Variants in DMD observed in about 807,000 individuals in gnomAD.
The protein encoded by DMD is dystrophin.
Under a neutral mutation model 330.1 loss-of-function variants are expected in DMD, and 63 were observed. That is an observed-to-expected ratio of 0.19 (90% CI 0.16 to 0.24). DMD has a LOEUF of 0.24. Among genes scored for constraint, DMD ranks in the 10% least tolerant of loss-of-function variants. The pLI is 1.00. For missense variants in DMD, 3,344 were observed against 2,684.1 expected, an observed-to-expected ratio of 1.25 and a Z score of -5.43; for synonymous variants, 1,223 against 959.8, an observed-to-expected ratio of 1.27 and a Z score of -5.07.
At chrX:32,902,145 TCACACACACACAAA>T (rs1297196056) in intron 2 of DMD, among the ~76,000 whole-genome samples, 3 of 60,146 alleles carry the variant, frequency 5.0e-5, no homozygotes, top group Middle Eastern at 9.6e-3. Context: ...TAAGCAAGCA[TCACACACACACAAA>T]CACACACACA....
chrX:32,077,210 T>C (rs1388710626), intron 44 of DMD, among the ~76,000 whole-genome samples: 1 of 111,041 alleles, frequency 9.0e-6, no homozygotes, highest in Non-Finnish European at 1.9e-5. Flanking sequence ...GGTTCTGTTT[T>C]TAATCTAAGT....
intron 55 of DMD, among the ~76,000 whole-genome samples, chrX:31,537,920 G>C (rs1002344447): frequency 8.9e-5 from 10 of 112,172 alleles, no homozygotes; most frequent in Non-Finnish European, 5.6e-5. Context: ...TTCAGGTTTT[G>C]GAATATTTGC....
chrX:33,049,221 C>T (rs191057026), intron 1 of DMD, among the ~76,000 whole-genome samples: 47 of 111,894 alleles, frequency 4.2e-4, no homozygotes, highest in African/African-American at 1.5e-3. Flanking sequence ...ACAGAAACTT[C>T]CCTGAAAATG....
intron 55 of DMD, among the ~76,000 whole-genome samples, chrX:31,527,163 T>C (rs1309756332): frequency 9.0e-6 from 1 of 111,482 alleles, no homozygotes; most frequent in Non-Finnish European, 1.9e-5. Flanking sequence ...GAATCACAGA[T>C]TGATAGGATT....
chrX:32,740,375 G>T, intron 7 of DMD, among the ~76,000 whole-genome samples: 1 of 110,435 alleles, frequency 9.1e-6, no homozygotes, highest in East Asian at 2.9e-4. Context: ...TCATGGTAAA[G>T]AGAACATGTG....
chrX:32,619,643 T>A (rs1310149343), intron 11 of DMD, among the ~76,000 whole-genome samples: 2 of 111,769 alleles, frequency 1.8e-5, no homozygotes, highest in East Asian at 5.6e-4. Flanking sequence ...AACAATAAAA[T>A]ATAAAAGTTG....
At chrX:32,161,758 T>A (rs1603627416) in intron 44 of DMD, among the ~76,000 whole-genome samples, 1 of 111,695 alleles carries the variant, frequency 9.0e-6, no homozygotes, top group East Asian at 2.8e-4. Context: ...CTCTAAGGTA[T>A]GTGAAGTGTG....
intron 32 of DMD, among the ~76,000 whole-genome samples, chrX:32,386,937 C>T (rs1397335411): frequency 9.1e-6 from 1 of 110,336 alleles, no homozygotes; most frequent in Non-Finnish European, 1.9e-5. Flanking sequence ...AAAACACACA[C>T]ATTCACTATT....
intron 55 of DMD, among the ~76,000 whole-genome samples, chrX:31,556,758 G>C (rs1196565947): frequency 8.9e-6 from 1 of 111,915 alleles, no homozygotes; most frequent in Non-Finnish European, 1.9e-5. Flanking sequence ...AATAAATTTA[G>C]ATCTAAAGTG....
intron 43 of DMD, among the ~76,000 whole-genome samples, chrX:32,263,391 ATTG>A (rs1329308365): frequency 1.8e-5 from 2 of 112,218 alleles, no homozygotes; most frequent in African/African-American, 3.2e-5. Flanking sequence ...GGTACAACAT[ATTG>A]TTATCAATCT....
At chrX:32,485,763 G>GC (rs2042391808) in intron 20 of DMD, among the ~76,000 whole-genome samples, 1 of 20,856 alleles carries the variant, frequency 4.8e-5, no homozygotes, top group African/African-American at 1.0e-4. Flanking sequence ...TTTTTTTTGG[G>GC]ACAGAGTCTC....
At chrX:32,387,377 T>C (rs1028338515) in intron 32 of DMD, among the ~76,000 whole-genome samples, 7 of 111,400 alleles carry the variant, frequency 6.3e-5, no homozygotes, top group African/African-American at 2.3e-4. Context: ...TATACACGTA[T>C]ATATAATAGT....
chrX:32,873,338 G>A (rs1271025723), intron 2 of DMD, among the ~76,000 whole-genome samples: 2 of 109,609 alleles, frequency 1.8e-5, no homozygotes, highest in Non-Finnish European at 3.8e-5. Flanking sequence ...GATATGGCAG[G>A]CAGTAGGCAT....
At chrX:32,241,275 C>A (rs1207853104) in intron 43 of DMD, among the ~76,000 whole-genome samples, 1 of 111,958 alleles carries the variant, frequency 8.9e-6, no homozygotes, top group East Asian at 2.8e-4. Flanking sequence ...TCCAGCCACC[C>A]CTTTAAGGTT....
chrX:32,313,722 C>G (rs866443083), intron 41 of DMD, among the ~76,000 whole-genome samples: 17 of 111,555 alleles, frequency 1.5e-4, no homozygotes, highest in Middle Eastern at 4.7e-3. Flanking sequence ...ACAAAATCAA[C>G]GTGCAAAAAT....
intron 44 of DMD, among the ~76,000 whole-genome samples, chrX:32,118,780 G>T (rs1479145330): frequency 9.1e-6 from 1 of 109,951 alleles, no homozygotes; most frequent in African/African-American, 3.3e-5. Context: ...GGGGCGGGTG[G>T]GGTTGTGGGG....
intron 4 of DMD, among the ~76,000 whole-genome samples, chrX:32,840,733 T>A (rs1294588701): frequency 8.9e-6 from 1 of 112,285 alleles, no homozygotes; most frequent in Non-Finnish European, 1.9e-5. Context: ...TTTTAACGAC[T>A]TCATCTTGTA....
At chrX:32,641,645 A>T (rs2146775794) in intron 11 of DMD, 1 of 154,219 alleles carries the variant, frequency 6.5e-6, no homozygotes, top group Non-Finnish European at 1.5e-5. Context: ...ATTTACAAGA[A>T]GTTTTTAACT....
chrX:31,376,174 A>G lies in DMD; in HGVS notation c.9085-27540T>C, dbSNP rs189452309. On this transcript the variant is annotated intron_variant, in intron 60 of 78. Coordinates refer to ENST00000357033, the MANE Select transcript of DMD (RefSeq NM_004006.3). Reference sequence around the variant, plus strand: ...GAACTGCATGGAAGCAAACAGCACTATTTTCCTTCCTTCCTCTAACAAAAC... The same window carrying G: ...GAACTGCATGGAAGCAAACAGCACTGTTTTCCTTCCTTCCTCTAACAAAAC... Among the ~76,000 whole-genome samples the G allele has an allele frequency of 7.9e-3, 888 of 112,188 alleles. 5 individuals carry two copies. Among genetic ancestry groups the G allele is most frequent in the Non-Finnish European group, 9.9e-3 (526 of 53,283 alleles).
Sources: gnomAD v4.1 joint callset for allele counts (sites outside exome capture counted in the v4.1 genomes callset) on GRCh38, gnomAD v4.1.1 for gene constraint, MANE v1.5 for transcripts, NCBI Gene and HGNC (gene_info 2026-07-23, HGNC 2026-07-21) for gene names.